SUN3: variants seen among roughly 807,000 people sequenced by gnomAD.
SUN3 encodes the protein SUN domain-containing protein 3.
SUN3 carries 36 observed loss-of-function variants against 48.2 expected under a neutral mutation model. The observed-to-expected ratio is 0.75, with a 90% confidence interval of 0.57 to 0.99. SUN3 has a LOEUF of 0.99. SUN3 is among the 50% of genes least tolerant of loss of function. The pLI is 0.00. For synonymous variants in SUN3, 148 were observed against 147.9 expected (o/e 1.00, Z 0.00); for missense variants, 419 against 433.1 (o/e 0.97, Z 0.29).
At chr7:47,996,825 C>T (rs1227226678) in intron 6 of SUN3, among the ~76,000 whole-genome samples, 66 of 133,168 alleles carry the variant, frequency 5.0e-4, no homozygotes, top group Middle Eastern at 4.6e-3. Flanking sequence ...TTTTTTGAGA[C>T]GGTGTCTCAC....
Position 48,017,370 on chromosome 7 carries a change from TAAAGA to T in SUN3, c.185-10_185-6del. 1 of 1,519,964 alleles carries T rather than the reference TAAAGA, an allele frequency of 6.6e-7. No homozygotes were observed. The highest frequency in any genetic ancestry group is 2.3e-5 in the East Asian group (1 of 44,334). The allele number at this position is 1,519,964 out of a possible 1,614,324, so 94.2% of individuals were successfully genotyped here. A position where few individuals can be genotyped will look rare whatever the true frequency, so the allele number is the denominator to read the frequency against. On this transcript the variant is annotated splice_region_variant and splice_polypyrimidine_tract_variant and intron_variant, in intron 2 of 9. Coordinates refer to ENST00000297325, the MANE Select transcript of SUN3 (RefSeq NM_001030019.2). ...GCCACTGATGATTTAGGAGTCCTGT[TAAAGA>T]AAAGACAAACTTTGATTAAAGAGTT...
chr7:47,988,751 T>C (rs758204891), intron 9 of SUN3, 37 bp downstream of exon 9: 6 of 1,306,244 alleles, frequency 4.6e-6, no homozygotes, highest in Non-Finnish European at 6.4e-6. Context: ...CTCCCAGTGA[T>C]AGAGCTACTC....
intron 2 of SUN3, among the ~76,000 whole-genome samples, chr7:48,020,796 G>T (rs961810998): frequency 6.6e-6 from 1 of 151,806 alleles, no homozygotes; most frequent in African/African-American, 2.4e-5. Flanking sequence ...GAAACAAAAA[G>T]TAGATAGCTC....
intron 1 of SUN3, 152 bp from the exon 2 acceptor site, chr7:48,026,090 C>G (rs977850616): frequency 1.1e-5 from 7 of 611,108 alleles, no homozygotes; most frequent in African/African-American, 7.4e-5. Flanking sequence ...ATTTCCAATC[C>G]ACTATTTTTT....
At position 47,996,101 on chromosome 7, in the gene SUN3, T is replaced by C. The variant is rs771813813; in HGVS notation, c.623A>G (p.Asn208Ser). The change falls in exon 7 of 10, where the codon AAT becomes AGT. Residue 208 changes from asparagine to serine, a missense_variant. Asn to Ser is a conservative substitution (Grantham distance 46). Coordinates refer to ENST00000297325, the MANE Select transcript of SUN3 (RefSeq NM_001030019.2). The part of the protein sequence containing the change: ...EAGTSESYKN[N>S]KAKLYWHGIG... ...CCCATGCCAGTACAATTTTGCTTTA[T>C]TATTTTTATAACTTTCTGAGGTCCC... is the stretch of plus-strand genomic sequence containing the variant. 1.3e-6 allele frequency: 2 copies of C among 1,596,688 alleles called. No homozygotes were observed. Among genetic ancestry groups the C allele is most frequent in the Non-Finnish European group, 1.7e-6 (2 of 1,174,500 alleles).
intron 3 of SUN3, among the ~76,000 whole-genome samples, chr7:48,015,777 C>A (rs897821139): frequency 6.6e-6 from 1 of 152,176 alleles, no homozygotes; most frequent in African/African-American, 2.4e-5. Context: ...AGAGACAAGA[C>A]CTATCCGACT....
At chr7:48,005,039 G>A (rs1915962) in intron 6 of SUN3, among the ~76,000 whole-genome samples, 68,870 of 152,048 alleles carry the variant, frequency 0.45, 16,116 homozygotes, top group African/African-American at 0.57. Context: ...TCCTCACTCT[G>A]CATGTGCTAC....
chr7:47,990,038 A>C (rs1789009144), intron 8 of SUN3, among the ~76,000 whole-genome samples: 1 of 152,206 alleles, frequency 6.6e-6, no homozygotes, highest in Admixed American at 6.5e-5. Flanking sequence ...GATAGTCTGA[A>C]ATATGGCCTC....
intron 1 of SUN3, among the ~76,000 whole-genome samples, chr7:48,027,978 C>T (rs1000786961): frequency 6.6e-6 from 1 of 151,986 alleles, no homozygotes; most frequent in African/African-American, 2.4e-5. Flanking sequence ...CAGTGTTTTT[C>T]GTTTTTTGTT....
upstream of SUN3, among the ~76,000 whole-genome samples, chr7:48,033,871 T>C (rs1790284315): frequency 6.6e-6 from 1 of 152,160 alleles, no homozygotes; most frequent in South Asian, 2.1e-4. Flanking sequence ...CTGGCCAACA[T>C]GGCAAAACCC....
At chr7:48,035,587 G>A in the SUN3 span, 1 of 695,682 alleles carries the variant, frequency 1.4e-6, no homozygotes, top group Non-Finnish European at 2.6e-6. The surrounding 1 kb of genome is among the most constrained non-coding windows in gnomAD (Gnocchi z 4.0). Context: ...AAACTCCAAC[G>A]CCGGGCGCCG....
intron 3 of SUN3, among the ~76,000 whole-genome samples, chr7:48,009,993 G>C (rs547896083): frequency 2.6e-5 from 4 of 152,232 alleles, no homozygotes; most frequent in African/African-American, 9.6e-5. Flanking sequence ...AGATGACGGT[G>C]GTTGGGTGCT....
chr7:48,008,937 C>A, intron 4 of SUN3, 98 bp downstream of exon 4: 1 of 1,119,436 alleles, frequency 8.9e-7, no homozygotes, highest in Non-Finnish European at 1.3e-6. Flanking sequence ...TGAGTTATTT[C>A]AGGGAGTAAC....
Position 48,025,222 on chromosome 7 carries a change from C to T in SUN3, c.184+655G>A, listed in dbSNP as rs183260265. On this transcript the variant is annotated intron_variant, in intron 2 of 9. Transcript: ENST00000297325. Reference sequence around the variant, plus strand: ...ATACATACAATGAAATATTATTTAGCTACAAAAAGGAATGAGGAACTGACA... The same window carrying T: ...ATACATACAATGAAATATTATTTAGTTACAAAAAGGAATGAGGAACTGACA... Among the ~76,000 whole-genome samples the T allele has an allele frequency of 5.9e-5, 9 of 152,114 alleles. No homozygotes were observed. In the East Asian group the frequency reaches 1.7e-3, roughly 29 times the overall value.
chr7:47,992,381 G>A (rs1374086938), intron 8 of SUN3, among the ~76,000 whole-genome samples: 1 of 152,136 alleles, frequency 6.6e-6, no homozygotes, highest in Non-Finnish European at 1.5e-5. Flanking sequence ...AGAAGGTACT[G>A]CCTTCATAAA....
At position 48,007,314 on chromosome 7, in the gene SUN3, T is replaced by C; in HGVS notation, c.343A>G (p.Asn115Asp). 1 of 1,613,864 alleles carries C rather than the reference T, an allele frequency of 6.2e-7. No individual in the cohort carries two copies. The highest frequency in any genetic ancestry group is 1.7e-5 in the Admixed American group (1 of 59,992). ...ATTTGACGAAAATTGTTTTCCAGAT[T>C]CTGGCTTTCCTTCCTGTAAAGGGAA... ...QLELLKKESQ[N>D]LENNFRQILF... is the part of the protein sequence containing the mutation. Residue 115 changes from asparagine to aspartate, a missense_variant, in exon 5 of 10, where the codon AAT becomes GAT. By Grantham distance (23) the Asn-to-Asp change is conservative. Transcript: ENST00000297325.
At chr7:47,995,432 A>G (rs990934873) in intron 7 of SUN3, among the ~76,000 whole-genome samples, 4 of 152,184 alleles carry the variant, frequency 2.6e-5, no homozygotes, top group Non-Finnish European at 4.4e-5. Flanking sequence ...TTGTAGATAT[A>G]AACTACAGCC....
chr7:48,013,027 T>C (rs1184471252), intron 3 of SUN3, among the ~76,000 whole-genome samples: 1 of 152,240 alleles, frequency 6.6e-6, no homozygotes, highest in Non-Finnish European at 1.5e-5. Flanking sequence ...ATAAGCTACC[T>C]AGTCTATGGC....
intron 5 of SUN3, among the ~76,000 whole-genome samples, chr7:48,006,596 GT>G (rs1789532191): frequency 6.6e-6 from 1 of 152,198 alleles, no homozygotes. Flanking sequence ...AGGCGTAACA[GT>G]TCAAGTTCAA....
Sources: allele counts gnomAD v4.1 joint callset (sites outside exome capture counted in the v4.1 genomes callset), GRCh38; gene constraint gnomAD v4.1.1; non-coding constraint Gnocchi (gnomAD v3.1); transcripts MANE v1.5; gene names NCBI Gene and HGNC (gene_info 2026-07-23, HGNC 2026-07-21).